Variants in SLC4A4 observed in about 807,000 individuals in gnomAD.
The protein encoded by SLC4A4 is electrogenic sodium bicarbonate cotransporter 1.
In SLC4A4, 27 loss-of-function variants were observed where a neutral mutation model predicts 111.5. The observed-to-expected ratio is 0.24, with a 90% confidence interval of 0.18 to 0.33. SLC4A4 has a LOEUF of 0.33. Ranked by LOEUF, SLC4A4 falls within the 10% of genes least tolerant of loss-of-function variation. The pLI is 1.00. For synonymous variants in SLC4A4, 443 were observed against 463.4 expected (o/e 0.96, Z 0.57); for missense variants, 909 against 1,315.5 (o/e 0.69, Z 4.78).
chr4:71,187,985 A>G (rs1207201550), intron 1 of SLC4A4, among the ~76,000 whole-genome samples: 2 of 152,176 alleles, frequency 1.3e-5, no homozygotes, highest in Admixed American at 1.3e-4. Context: ...TTTATTTGCA[A>G]TGGATTTGGC....
intron 2 of SLC4A4, among the ~76,000 whole-genome samples, chr4:71,241,824 G>T (rs538429182): frequency 6.6e-6 from 1 of 152,246 alleles, no homozygotes; most frequent in Admixed American, 6.5e-5. Flanking sequence ...TTAAAAGTTG[G>T]TACTTGAATA....
upstream of SLC4A4, among the ~76,000 whole-genome samples, chr4:71,183,165 A>G (rs1379742572): frequency 3.3e-5 from 5 of 152,164 alleles, no homozygotes; most frequent in Admixed American, 6.5e-5. Flanking sequence ...GGGAACTGAG[A>G]CTCAGATTGA....
chr4:71,094,706 AT>A (rs2148942839), intron 2 of SLC4A4, among the ~76,000 whole-genome samples: 1 of 152,322 alleles, frequency 6.6e-6, no homozygotes, highest in South Asian at 2.1e-4. Flanking sequence ...TTTTTAAAAA[AT>A]ATACCATTTC....
intron 1 of SLC4A4, among the ~76,000 whole-genome samples, chr4:71,088,311 G>A (rs764389802): frequency 9.9e-5 from 15 of 151,532 alleles, no homozygotes; most frequent in South Asian, 2.1e-4. Context: ...TGCACCTGAG[G>A]TGGGTTTCCT....
chr4:71,301,390 C>T (rs1055064173), intron 3 of SLC4A4, among the ~76,000 whole-genome samples: 2 of 152,066 alleles, frequency 1.3e-5, no homozygotes, highest in Non-Finnish European at 2.9e-5. Context: ...CCCTTGAAGC[C>T]ACAGTCTTGG....
intron 23 of SLC4A4, among the ~76,000 whole-genome samples, chr4:71,560,771 A>G (rs1272618995): frequency 6.6e-6 from 1 of 151,780 alleles, no homozygotes; most frequent in Admixed American, 6.6e-5. Context: ...ATGATTCAGC[A>G]TTATTTTTCT....
intron 2 of SLC4A4, among the ~76,000 whole-genome samples, chr4:71,119,509 G>C (rs1413012840): frequency 6.6e-6 from 1 of 152,082 alleles, no homozygotes; most frequent in Non-Finnish European, 1.5e-5. Context: ...AGCCTCCCAA[G>C]TTGCTGGGAC....
chr4:71,181,198 C>T (rs1399160640), intron 2 of SLC4A4, among the ~76,000 whole-genome samples: 2 of 123,974 alleles, frequency 1.6e-5, no homozygotes, highest in Non-Finnish European at 3.1e-5. Context: ...GGGAACATCA[C>T]ACACCAGGGC....
At chr4:71,366,138 T>C (rs145359011) in intron 6 of SLC4A4, among the ~76,000 whole-genome samples, 2 of 152,272 alleles carry the variant, frequency 1.3e-5, no homozygotes, top group African/African-American at 2.4e-5. Context: ...GAAATGCTGG[T>C]ATAATCTTGG....
intron 15 of SLC4A4, among the ~76,000 whole-genome samples, chr4:71,490,912 T>A (rs867735731): frequency 6.6e-6 from 1 of 151,864 alleles, no homozygotes; most frequent in Non-Finnish European, 1.5e-5. Context: ...ATCATGCCAC[T>A]GCACTCCAGA....
At position 71,167,528 on chromosome 4, in the gene SLC4A4, T is replaced by C. The variant is rs558418248; in HGVS notation, c.-1-69048T>C. 6.6e-5 allele frequency among the ~76,000 whole-genome samples: 10 copies of C among 152,238 alleles called. No homozygotes were observed. In the East Asian group the frequency reaches 1.3e-3, roughly 21 times the overall value. On this transcript the variant is annotated intron_variant, in intron 2 of 26. Coordinates refer to the SLC4A4 transcript ENST00000649996. The stretch of plus-strand genomic sequence containing the variant: ...GTGGAGATGTTAGGGAGACCCTCTT[T>C]GGGAAATATAATCTGTGACATTGGC...
At position 71,426,783 on chromosome 4, in the gene SLC4A4, G is replaced by A. The variant is rs368689202; in HGVS notation, c.808-13833G>A. Among the ~76,000 whole-genome samples the A allele has an allele frequency of 2.0e-5, 3 of 152,154 alleles. No homozygotes were observed. In the East Asian group the frequency reaches 5.8e-4, roughly 29 times the overall value. ...ATATTAGAGTTTGATTACCATTGGAGGGTAAAGGCAGGAAGATACCAACTC... is the reference window on the plus strand; with the variant it reads ...ATATTAGAGTTTGATTACCATTGGAAGGTAAAGGCAGGAAGATACCAACTC... On this transcript the variant is annotated intron_variant, in intron 7 of 25. Transcript: ENST00000264485.
chr4:71,496,495 A>C (rs1478378609), intron 15 of SLC4A4, among the ~76,000 whole-genome samples: 3 of 152,006 alleles, frequency 2.0e-5, no homozygotes, highest in African/African-American at 4.8e-5. Flanking sequence ...CGAAGAGGGT[A>C]TAGTTTTAGA....
At position 71,239,693 on chromosome 4, in the gene SLC4A4, T is replaced by C. The variant is rs115480802; in HGVS notation, c.73+3044T>C. On this transcript the variant is annotated intron_variant, in intron 2 of 25. Coordinates refer to ENST00000264485, the MANE Select transcript of SLC4A4 (RefSeq NM_001098484.3). ...ATATTTAAAGGCCTAAACCTCATTGTCACATAATTTTCTTCATGTGTTAAT... is the reference window on the plus strand; with the variant it reads ...ATATTTAAAGGCCTAAACCTCATTGCCACATAATTTTCTTCATGTGTTAAT... 3.0e-3 allele frequency among the ~76,000 whole-genome samples: 460 copies of C among 152,324 alleles called. 1 individual carries two copies. Among genetic ancestry groups the C allele is most frequent in the Non-Finnish European group, 4.9e-3 (333 of 68,008 alleles).
At chr4:71,423,087 C>T (rs560202721) in intron 7 of SLC4A4, among the ~76,000 whole-genome samples, 1 of 152,174 alleles carries the variant, frequency 6.6e-6, no homozygotes, top group South Asian at 2.1e-4. Flanking sequence ...ATCTAGAAAA[C>T]CCCATTGTCT....
chr4:71,283,359 G>C (rs1160062783), intron 3 of SLC4A4, among the ~76,000 whole-genome samples: 1 of 152,128 alleles, frequency 6.6e-6, no homozygotes, highest in African/African-American at 2.4e-5. Context: ...GCTGAGATGT[G>C]GGCATTCCTG....
chr4:71,502,079 A>G (rs1343988824), intron 16 of SLC4A4, among the ~76,000 whole-genome samples: 1 of 152,154 alleles, frequency 6.6e-6, no homozygotes, highest in Non-Finnish European at 1.5e-5. Context: ...CTTGTGCCTC[A>G]ACCTCCTGAG....
intron 2 of SLC4A4, among the ~76,000 whole-genome samples, chr4:71,253,787 GT>G (rs1721246478): frequency 6.6e-6 from 1 of 152,204 alleles, no homozygotes; most frequent in Admixed American, 6.5e-5. Context: ...ATTTCACTGT[GT>G]TTTGTAGTAG....
intron 16 of SLC4A4, among the ~76,000 whole-genome samples, chr4:71,510,627 T>C (rs1731826713): frequency 6.6e-6 from 1 of 152,162 alleles, no homozygotes; most frequent in Non-Finnish European, 1.5e-5. Flanking sequence ...ATGAGTCTCT[T>C]TTAGGCAGCA....
Sources: allele counts gnomAD v4.1 joint callset (sites outside exome capture counted in the v4.1 genomes callset), GRCh38; gene constraint gnomAD v4.1.1; transcripts MANE v1.5; gene names NCBI Gene and HGNC (gene_info 2026-07-23, HGNC 2026-07-21).